Variants in PLA2G7 observed in about 807,000 individuals in gnomAD.
The protein encoded by PLA2G7 is platelet-activating factor acetylhydrolase.
Under a neutral mutation model 49.6 loss-of-function variants are expected in PLA2G7, and 63 were observed. The observed-to-expected ratio is 1.27, with a 90% confidence interval of 1.04 to 1.57. PLA2G7 has a LOEUF of 1.57. Ranked by LOEUF, PLA2G7 falls within the 40% of genes most tolerant of loss-of-function variation. PLA2G7 has a pLI of 0.00. For synonymous variants in PLA2G7, 193 were observed against 169.9 expected, an observed-to-expected ratio of 1.14 and a Z score of -1.06; for missense variants, 596 against 521.2, an observed-to-expected ratio of 1.14 and a Z score of -1.40.
chr6:46,723,377 T>C (rs1765464338), intron 1 of PLA2G7, among the ~76,000 whole-genome samples: 1 of 152,198 alleles, frequency 6.6e-6, no homozygotes, highest in African/African-American at 2.4e-5. Flanking sequence ...CTGTGGTTGT[T>C]TTGGGTGTTA....
Position 46,722,815 on chromosome 6 carries a change from T to C in PLA2G7, c.77A>G (p.Tyr26Cys). 1 of 1,612,748 alleles carries C rather than the reference T, an allele frequency of 6.2e-7. No homozygotes were observed. Among genetic ancestry groups the C allele is most frequent in the Non-Finnish European group, 8.5e-7 (1 of 1,178,732 alleles). Residue 26 changes from tyrosine (Y) to cysteine (C), a missense_variant, in exon 2 of 12, where the codon TAC becomes TGC. Tyr to Cys is a radical substitution (Grantham distance 194). Coordinates refer to ENST00000274793, the MANE Select transcript of PLA2G7 (RefSeq NM_005084.4). ...LAVVYPFDWQ[Y>C]INPVAHMKSS... The stretch of plus-strand genomic sequence containing the variant: ...TTTCATATGGGCAACAGGATTTATG[T>C]ATTGCCAGTCAAAAGGATAAACCAC...
intron 2 of PLA2G7, among the ~76,000 whole-genome samples, chr6:46,721,493 A>G (rs1765399485): frequency 6.6e-6 from 1 of 152,094 alleles, no homozygotes; most frequent in Admixed American, 6.6e-5. Context: ...GATTTTAAAA[A>G]TGTTTAAATT....
chr6:46,717,709 C>CTTTTTTTT (rs760308042), intron 2 of PLA2G7, among the ~76,000 whole-genome samples: 9 of 116,202 alleles, frequency 7.7e-5, no homozygotes, highest in Non-Finnish European at 1.2e-4. Flanking sequence ...TTTCTTTTTT[C>CTTTTTTTT]TTTTTCTTTT....
intron 1 of PLA2G7, among the ~76,000 whole-genome samples, chr6:46,728,351 T>C (rs1434254545): frequency 6.6e-6 from 1 of 152,190 alleles, no homozygotes; most frequent in Non-Finnish European, 1.5e-5. Flanking sequence ...CAGTCAGGGA[T>C]GCTGTTAAGC....
At chr6:46,729,071 G>T (rs754915759) in intron 1 of PLA2G7, among the ~76,000 whole-genome samples, 7 of 152,090 alleles carry the variant, frequency 4.6e-5, no homozygotes, top group Non-Finnish European at 7.4e-5. Flanking sequence ...TCTACCAATT[G>T]CTACACAGCC....
chr6:46,732,760 C>CA (rs1282179477), intron 1 of PLA2G7, among the ~76,000 whole-genome samples: 3 of 152,084 alleles, frequency 2.0e-5, no homozygotes. Context: ...TAAAATTGAG[C>CA]AAAATGACAG....
intron 1 of PLA2G7, among the ~76,000 whole-genome samples, chr6:46,725,753 G>A (rs953468201): frequency 6.6e-5 from 10 of 151,940 alleles, no homozygotes; most frequent in African/African-American, 1.9e-4. Context: ...TTATCTCTTC[G>A]CAAATAATGA....
At chr6:46,734,457 A>G (rs1266785003) in intron 1 of PLA2G7, among the ~76,000 whole-genome samples, 17 of 124,770 alleles carry the variant, frequency 1.4e-4, no homozygotes, top group African/African-American at 2.1e-4. Context: ...AGAGAGAGAG[A>G]GAGAGAGAGA....
In PLA2G7 at chr6:46,712,296, C is replaced by A; in HGVS notation, c.512G>T (p.Gly171Val). Reference protein sequence around the residue: ...SAIGIDLASHGFIVAAVEHRD... With the variant: ...SAIGIDLASHVFIVAAVEHRD... Reference sequence around the variant, plus strand: ...GTGTTCTACAGCAGCAACTATAAACCCATGAGATGCCAGGTCAATGCCAAT... The same window carrying A: ...GTGTTCTACAGCAGCAACTATAAACACATGAGATGCCAGGTCAATGCCAAT... The change falls in exon 6 of 12, where the codon GGG becomes GTG. Residue 171 changes from glycine (G) to valine (V), a missense_variant. By Grantham distance (109) the Gly-to-Val change is moderately radical. Coordinates refer to ENST00000274793, the MANE Select transcript of PLA2G7 (RefSeq NM_005084.4). 6.2e-7 allele frequency: 1 copy of A among 1,612,718 alleles called. No homozygotes were observed. The highest frequency in any genetic ancestry group is 8.5e-7 in the Non-Finnish European group (1 of 1,178,904).
At chr6:46,706,511 C>T (rs1262653354) in intron 10 of PLA2G7, among the ~76,000 whole-genome samples, 1 of 152,138 alleles carries the variant, frequency 6.6e-6, no homozygotes, top group Non-Finnish European at 1.5e-5. Flanking sequence ...GAGGGGTGGT[C>T]AGCAATGTTG....
At chr6:46,722,712 A>G in intron 2 of PLA2G7, 71 bp downstream of exon 2, 1 of 909,910 alleles carries the variant, frequency 1.1e-6, no homozygotes, top group South Asian at 1.3e-5. Context: ...CAGATGTGCA[A>G]CTTCTTGGGG....
rs1765135130 is a variant in PLA2G7 at position 46,714,498 on chromosome 6, A to G, written c.432T>C (p.Tyr144=). 1 of 1,612,778 alleles carries G rather than the reference A, an allele frequency of 6.2e-7. No individual in the cohort carries two copies. The highest frequency in any genetic ancestry group is 8.5e-7 in the Non-Finnish European group (1 of 1,179,100). ...GACCATGAGAAAAAACAACAAGTGG[A>G]TATTTTTCACCAGGCCTCAGAGGGG... ...WNSPLRPGEK[Y]PLVVFSHGLG... The change falls in exon 5 of 12, where the codon TAT becomes TAC. Residue 144 remains tyrosine, a synonymous_variant. Transcript: ENST00000274793.
chr6:46,735,202 C>T lies in PLA2G7; in HGVS notation c.-57G>A, dbSNP rs546201919. ...CACTCAGGCGCGGCGCGGAGCTGCT[C>T]GCGGGAACTGGGGTCCCTGGGCGCG... On this transcript the variant is annotated 5_prime_UTR_variant, in exon 1 of 12. Coordinates refer to ENST00000274793, the MANE Select transcript of PLA2G7 (RefSeq NM_005084.4). The T allele has an allele frequency of 6.6e-6, 1 of 152,210 alleles. No individual in the cohort carries two copies. Among genetic ancestry groups the T allele is most frequent in the Non-Finnish European group, 1.5e-5 (1 of 68,060 alleles). The allele number at this position is 152,210 out of a possible 1,614,324, so 9.4% of individuals were successfully genotyped here.
intron 2 of PLA2G7, among the ~76,000 whole-genome samples, chr6:46,719,701 A>G (rs957009753): frequency 6.6e-6 from 1 of 152,202 alleles, no homozygotes; most frequent in Non-Finnish European, 1.5e-5. Flanking sequence ...AAAATGACAT[A>G]AAAGCACTTG....
At chr6:46,724,927 A>G (rs1270339438) in intron 1 of PLA2G7, among the ~76,000 whole-genome samples, 1 of 152,256 alleles carries the variant, frequency 6.6e-6, no homozygotes, top group Non-Finnish European at 1.5e-5. Flanking sequence ...TTAAGCAAAT[A>G]CTATATGCCC....
chr6:46,714,533 T>A lies in PLA2G7; in HGVS notation c.397A>T (p.Asn133Tyr). The A allele has an allele frequency of 6.2e-7, 1 of 1,608,858 alleles. No homozygotes were observed. The highest frequency in any genetic ancestry group is 8.5e-7 in the Non-Finnish European group (1 of 1,175,390). Residue 133 changes from asparagine to tyrosine, a missense_variant, in exon 5 of 12, where the codon AAC becomes TAC. Asn to Tyr is a moderately radical substitution (Grantham distance 143). Coordinates refer to ENST00000274793, the MANE Select transcript of PLA2G7 (RefSeq NM_005084.4). ...LLFGSMTTPA[N>Y]WNSPLRPGEK... Reference sequence around the variant, plus strand: ...CCAGGCCTCAGAGGGGAATTCCAGTTTGCAGGAGTTGTCATTGAACCTAGA... The same window carrying A: ...CCAGGCCTCAGAGGGGAATTCCAGTATGCAGGAGTTGTCATTGAACCTAGA...
chr6:46,730,177 G>A lies in PLA2G7; in HGVS notation c.-35+5003C>T, dbSNP rs139188677. Among the ~76,000 whole-genome samples, 201 of 152,342 alleles carry A rather than the reference G, an allele frequency of 1.3e-3. 1 individual carries two copies. Among genetic ancestry groups the A allele is most frequent in the Non-Finnish European group, 2.3e-3 (156 of 68,028 alleles). On this transcript the variant is annotated intron_variant, in intron 1 of 11. Coordinates refer to ENST00000274793, the MANE Select transcript of PLA2G7 (RefSeq NM_005084.4). ...GAATGATGAGGGAACAAGGCAGCAA[G>A]TCACATGAGGAGCTGTTGAAGGAAT... is the stretch of plus-strand genomic sequence containing the variant.
chr6:46,722,850 G>T lies in PLA2G7; in HGVS notation c.42C>A (p.Gly14=), dbSNP rs146132288. 1.1e-5 allele frequency: 17 copies of T among 1,613,760 alleles called. No homozygotes were observed. The African/African-American group carries it at 2.1e-4, about 20-fold the overall frequency. Reference sequence around the variant, plus strand: ...CAAAAGGATAAACCACAGCCAGGCAGCCGCAGAGGCAGAAAAGCACATGCA... The same window carrying T: ...CAAAAGGATAAACCACAGCCAGGCATCCGCAGAGGCAGAAAAGCACATGCA... ...PKLHVLFCLC[G]CLAVVYPFDW... is the part of the protein sequence containing the mutation. The change falls in exon 2 of 12, where the codon GGC becomes GGA. Residue 14 remains glycine, a synonymous_variant. Coordinates refer to ENST00000274793, the MANE Select transcript of PLA2G7 (RefSeq NM_005084.4).
intron 2 of PLA2G7, among the ~76,000 whole-genome samples, chr6:46,720,225 C>T (rs1265355655): frequency 6.6e-6 from 1 of 152,236 alleles, no homozygotes; most frequent in Non-Finnish European, 1.5e-5. Context: ...GGAGACACTA[C>T]CTCTAGAATT....
Sources: allele counts gnomAD v4.1 joint callset (sites outside exome capture counted in the v4.1 genomes callset), GRCh38; gene constraint gnomAD v4.1.1; transcripts MANE v1.5; gene names NCBI Gene and HGNC (gene_info 2026-07-23, HGNC 2026-07-21).